Variants in PVR observed in about 807,000 individuals in gnomAD.
The protein encoded by PVR is PVR cell adhesion molecule, also known as poliovirus receptor.
PVR carries 39 observed loss-of-function variants against 43.3 expected under a neutral mutation model. The observed-to-expected ratio is 0.90, with a 90% CI of 0.70 to 1.18. The LOEUF (loss-of-function observed/expected upper bound fraction) is 1.18, where lower values mean the gene tolerates loss of function less well. PVR is among the 50% of genes most tolerant of loss of function. The pLI is 0.00. For synonymous variants in PVR, 224 were observed against 233.2 expected (o/e 0.96, Z 0.36); for missense variants, 480 against 549.7 (o/e 0.87, Z 1.27).
intron 1 of PVR, among the ~76,000 whole-genome samples, chr19:44,645,411 T>TTTTATATATATATA (rs1973082797): frequency 2.0e-5 from 1 of 49,318 alleles, no homozygotes; most frequent in African/African-American, 1.3e-4. Flanking sequence ...TTTATATGTT[T>TTTTATATATATATA]TGTGTATATA....
At position 44,657,817 on chromosome 19, in the gene PVR, C is replaced by G; in HGVS notation, c.898C>G (p.Arg300Gly). Residue 300 changes from arginine to glycine, a missense_variant, in exon 5 of 8, where the codon CGT becomes GGT. By Grantham distance (125) the Arg-to-Gly change is moderately radical. Transcript: ENST00000425690. The stretch of plus-strand genomic sequence containing the variant: ...GGCCCAGGGCGCCCAGCTCCTGATC[C>G]GTCCTGTGGACAAACCAATCAACAC... ...AVAQGAQLLIRPVDKPINTTL... is the reference protein window; with the variant it reads ...AVAQGAQLLIGPVDKPINTTL... 2 of 1,614,080 alleles carry G rather than the reference C, an allele frequency of 1.2e-6. No individual in the cohort carries two copies. The highest frequency in any genetic ancestry group is 4.5e-5 in the East Asian group (2 of 44,876).
rs1373004668 is a variant in PVR at position 44,662,790 on chromosome 19, T to C, written c.*979T>C. 1 of 152,158 alleles carries C rather than the reference T, an allele frequency of 6.6e-6. No homozygotes were observed. Among genetic ancestry groups the C allele is most frequent in the Non-Finnish European group, 1.5e-5 (1 of 68,036 alleles). 9.4% of individuals were successfully genotyped at this position (152,158 alleles called of 1,614,324 possible). ...GAAGGGTGTGGGCCACCAGAGAATT[T>C]TGGTAAAAATTTGGCCTCTGGCCTT... On this transcript the variant is annotated 3_prime_UTR_variant, in exon 8 of 8. Coordinates refer to ENST00000425690, the MANE Select transcript of PVR (RefSeq NM_006505.5).
chr19:44,653,947 G>A lies in PVR; in HGVS notation c.772G>A (p.Gly258Ser), dbSNP rs1160743456. The A allele has an allele frequency of 6.2e-7, 1 of 1,614,170 alleles. No individual in the cohort carries two copies. ...ISGYDNNWYL[G>S]QNEATLTCDA... ...TGGCTATGATAACAACTGGTACCTTGGCCAGAATGAGGCCACCCTGACCTG... is the reference window on the plus strand; with the variant it reads ...TGGCTATGATAACAACTGGTACCTTAGCCAGAATGAGGCCACCCTGACCTG... Residue 258 changes from glycine (G) to serine (S), a missense_variant, in exon 4 of 8, where the codon GGC (glycine) becomes AGC (serine). Coordinates refer to ENST00000425690, the MANE Select transcript of PVR (RefSeq NM_006505.5).
At chr19:44,650,204 C>A in intron 3 of PVR, 99 bp downstream of exon 3, 1 of 1,183,700 alleles carries the variant, frequency 8.4e-7, no homozygotes. Flanking sequence ...TTGCTTCCAT[C>A]ATCTGCACCG....
In PVR at chr19:44,662,104, C is replaced by T. The variant is rs375852325; in HGVS notation, c.*293C>T. On this transcript the variant is annotated 3_prime_UTR_variant, in exon 8 of 8. Transcript: ENST00000425690. ...GCAAAGGGAGGAGGTGCACAGCACA[C>T]GTTCCACGACAGATGAGGCGACGGC... The T allele has an allele frequency of 3.3e-5, 13 of 399,948 alleles. No homozygotes were observed. The highest frequency in any genetic ancestry group is 4.6e-5 in the Non-Finnish European group (10 of 216,164). 24.8% of individuals were successfully genotyped at this position (399,948 alleles called of 1,614,324 possible).
chr19:44,650,705 G>A (rs1973258797), intron 3 of PVR, among the ~76,000 whole-genome samples: 1 of 151,538 alleles, frequency 6.6e-6, no homozygotes, highest in African/African-American at 2.4e-5. Flanking sequence ...TGGGATTAAA[G>A]GTGCACACCA....
chr19:44,649,770 G>T (rs761055449), intron 2 of PVR, 39 bp from the exon 3 acceptor site: 1 of 1,604,160 alleles, frequency 6.2e-7, no homozygotes, highest in East Asian at 2.2e-5. Context: ...CCACGGAGGG[G>T]TTCATTGAAT....
intron 2 of PVR, among the ~76,000 whole-genome samples, chr19:44,648,587 A>G (rs1381665179): frequency 6.6e-6 from 1 of 152,026 alleles, no homozygotes; most frequent in Non-Finnish European, 1.5e-5. Flanking sequence ...CCTGGGCTCA[A>G]GGGATGTTCC....
intron 5 of PVR, among the ~76,000 whole-genome samples, chr19:44,658,296 C>A (rs1352782147): frequency 6.6e-6 from 1 of 152,210 alleles, no homozygotes; most frequent in African/African-American, 2.4e-5. Flanking sequence ...GGGGCTCCAA[C>A]CTTGTAACCC....
Position 44,643,985 on chromosome 19 carries a change from A to G in PVR, c.-112A>G, listed in dbSNP as rs1480387888. On this transcript the variant is annotated 5_prime_UTR_variant, in exon 1 of 8. Transcript: ENST00000425690. ...GCACTGGAGGAGCGGCCCCCCGGGGATTCCAGGACCTGAGCTCCGGGAGCT... is the reference window on the plus strand; with the variant it reads ...GCACTGGAGGAGCGGCCCCCCGGGGGTTCCAGGACCTGAGCTCCGGGAGCT... The G allele has an allele frequency of 1.2e-6, 1 of 806,468 alleles. No individual in the cohort carries two copies. Among genetic ancestry groups the G allele is most frequent in the Non-Finnish European group, 1.8e-6 (1 of 541,310 alleles). The allele number at this position is 806,468 out of a possible 1,614,324, so 50.0% of individuals were successfully genotyped here. A position where few individuals can be genotyped will look rare whatever the true frequency, so the allele number is the denominator to read the frequency against.
At chr19:44,650,254 C>T (rs1357799257) in intron 3 of PVR, 149 bp downstream of exon 3, 17 of 692,470 alleles carry the variant, frequency 2.5e-5, no homozygotes, top group Non-Finnish European at 3.4e-5. Flanking sequence ...CCCCCATTGT[C>T]TGCACCAGCT....
At chr19:44,649,634 T>C (rs1286390452) in intron 2 of PVR, among the ~76,000 whole-genome samples, 175 bp from the exon 3 acceptor site, 1 of 152,072 alleles carries the variant, frequency 6.6e-6, no homozygotes, top group Non-Finnish European at 1.5e-5. Flanking sequence ...TTGGCCAGGC[T>C]GGTCTCGAAC....
intron 6 of PVR, among the ~76,000 whole-genome samples, chr19:44,660,229 T>G (rs1666086707): frequency 6.6e-6 from 1 of 152,170 alleles, no homozygotes; most frequent in Non-Finnish European, 1.5e-5. Flanking sequence ...AGGAAGTGTT[T>G]GCTGAGTGAT....
chr19:44,645,183 T>TA (rs1568496655), intron 1 of PVR, among the ~76,000 whole-genome samples: 2 of 85,532 alleles, frequency 2.3e-5, no homozygotes, highest in Non-Finnish European at 4.0e-5. Context: ...ATTATATATA[T>TA]TATTATAATA....
At chr19:44,660,208 A>G (rs1321806423) in intron 6 of PVR, among the ~76,000 whole-genome samples, 1 of 152,204 alleles carries the variant, frequency 6.6e-6, no homozygotes, top group Non-Finnish European at 1.5e-5. Flanking sequence ...CGGGCATAAA[A>G]GAGGCACTCG....
intron 2 of PVR, 67 bp downstream of exon 2, chr19:44,647,637 G>C: frequency 7.5e-7 from 1 of 1,342,262 alleles, no homozygotes; most frequent in Non-Finnish European, 1.0e-6. Flanking sequence ...AGGGAAGTTG[G>C]CAAAGAGCGG....
Position 44,657,858 on chromosome 19 carries a change from C to T in PVR, c.939C>T (p.Asn313=), listed in dbSNP as rs150085899. 3.3e-5 allele frequency: 53 copies of T among 1,613,818 alleles called. No homozygotes were observed. The highest frequency in any genetic ancestry group is 4.3e-5 in the Non-Finnish European group (51 of 1,179,922). ...DKPINTTLIC[N]VTNALGARQA... ...CAATCAACACAACTTTAATCTGCAACGTCACCAATGCCCTAGGAGCTCGCC... is the reference window on the plus strand; with the variant it reads ...CAATCAACACAACTTTAATCTGCAATGTCACCAATGCCCTAGGAGCTCGCC... The change falls in exon 5 of 8, where the codon AAC becomes AAT. Residue 313 remains asparagine, a synonymous_variant. Transcript: ENST00000425690.
At position 44,643,976 on chromosome 19, in the gene PVR, C is replaced by T. The variant is rs1009387279; in HGVS notation, c.-121C>T. 4.1e-6 allele frequency: 3 copies of T among 723,464 alleles called. No individual in the cohort carries two copies. Among genetic ancestry groups the T allele is most frequent in the African/African-American group, 1.9e-5 (1 of 53,412 alleles). The allele number at this position is 723,464 out of a possible 1,614,324, so 44.8% of individuals were successfully genotyped here. A position where few individuals can be genotyped will look rare whatever the true frequency, so the allele number is the denominator to read the frequency against. On this transcript the variant is annotated 5_prime_UTR_variant, in exon 1 of 8. Transcript: ENST00000425690. Reference sequence around the variant, plus strand: ...CCACCCCAGGCACTGGAGGAGCGGCCCCCCGGGGATTCCAGGACCTGAGCT... The same window carrying T: ...CCACCCCAGGCACTGGAGGAGCGGCTCCCCGGGGATTCCAGGACCTGAGCT...
intron 2 of PVR, among the ~76,000 whole-genome samples, chr19:44,648,406 G>A (rs1973188742): frequency 6.6e-6 from 1 of 152,080 alleles, no homozygotes; most frequent in Non-Finnish European, 1.5e-5. Flanking sequence ...CTTCCTCTTG[G>A]AACTTGAGCA....
Sources: gnomAD v4.1 joint callset for allele counts (sites outside exome capture counted in the v4.1 genomes callset) on GRCh38, gnomAD v4.1.1 for gene constraint, MANE v1.5 for transcripts, NCBI Gene and HGNC (gene_info 2026-07-23, HGNC 2026-07-21) for gene names.